Variants in ST18 observed in about 807,000 individuals in gnomAD.
ST18 encodes ST18 C2H2C-type zinc finger transcription factor.
In ST18, 50 loss-of-function variants were observed where a neutral mutation model predicts 110.0. That is an observed-to-expected ratio of 0.45 (90% CI 0.36 to 0.58). The LOEUF (loss-of-function observed/expected upper bound fraction) is 0.58, where lower values mean the gene tolerates loss of function less well. ST18 is among the 20% of genes least tolerant of loss of function. The pLI is 0.00. For missense variants in ST18, 1,306 were observed against 1,280.1 expected (o/e 1.02, Z -0.31); for synonymous variants, 461 against 452.4 (o/e 1.02, Z -0.24).
chr8:52,172,872 GT>G (rs1336322223), intron 9 of ST18, among the ~76,000 whole-genome samples: 1 of 152,150 alleles, frequency 6.6e-6, no homozygotes, highest in Non-Finnish European at 1.5e-5. Context: ...TAAGAGGTAA[GT>G]ACTTCTGGGG....
chr8:52,130,115 AAAGAAAAG>A (rs1333625945), intron 22 of ST18, among the ~76,000 whole-genome samples: 55 of 88,294 alleles, frequency 6.2e-4, no homozygotes, highest in Admixed American at 8.6e-4. Flanking sequence ...AGAAAGAAAG[AAAGAAAAG>A]AAAGAAAGAA....
intron 8 of ST18, 83 bp from the exon 9 acceptor site, chr8:52,180,395 A>G: frequency 6.7e-7 from 1 of 1,498,970 alleles, no homozygotes; most frequent in African/African-American, 1.4e-5. Flanking sequence ...AGTCTAACCT[A>G]AAGCCTTTGG....
rs976946615 is a variant in ST18 at position 52,372,116 on chromosome 8, G to A, written c.-465+37212C>T. ...CCCTGAACACCTTCCAGTGAGACAA[G>A]ATGTGGAGGTGGAAGATAGTGATAT... is the stretch of plus-strand genomic sequence containing the variant. On this transcript the variant is annotated intron_variant, in intron 2 of 25. Transcript: ENST00000689386. Among the ~76,000 whole-genome samples the A allele has an allele frequency of 1.4e-4, 22 of 152,158 alleles. 1 individual carries two copies. The highest frequency in any genetic ancestry group is 1.5e-5 in the Non-Finnish European group (1 of 68,026).
intron 2 of ST18, among the ~76,000 whole-genome samples, chr8:52,347,802 G>C (rs1217584812): frequency 6.6e-6 from 1 of 152,160 alleles, no homozygotes; most frequent in African/African-American, 2.4e-5. Flanking sequence ...GGTGGAGCCT[G>C]GATTCAAATC....
chr8:52,388,718 C>A (rs1033078364), intron 2 of ST18, among the ~76,000 whole-genome samples: 7 of 147,780 alleles, frequency 4.7e-5, no homozygotes, highest in African/African-American at 1.8e-4. Context: ...CAGGGAGGGC[C>A]TTTCTCAAAA....
intron 8 of ST18, among the ~76,000 whole-genome samples, chr8:52,182,652 G>A (rs28635769): frequency 0.22 from 33,727 of 151,946 alleles, 7,033 homozygotes; most frequent in African/African-American, 0.55. Context: ...GGAAATGAGA[G>A]TTACTAATCA....
chr8:52,116,176 GGTC>G, intron 25 of ST18, 96 bp downstream of exon 25: 1 of 1,397,026 alleles, frequency 7.2e-7, no homozygotes. Context: ...ACTGCTCACA[GGTC>G]TCCTCAAAGC....
At position 52,111,294 on chromosome 8, in the gene ST18, A is replaced by G. The variant is rs949045668; in HGVS notation, c.*1904T>C. The G allele has an allele frequency of 4.8e-5, 13 of 269,236 alleles. No individual in the cohort carries two copies. Among genetic ancestry groups the G allele is most frequent in the African/African-American group, 2.2e-4 (10 of 45,952 alleles). 16.7% of individuals were successfully genotyped at this position (269,236 alleles called of 1,614,324 possible). A position where few individuals can be genotyped will look rare whatever the true frequency, so the allele number is the denominator to read the frequency against. On this transcript the variant is annotated 3_prime_UTR_variant, in exon 26 of 26. Transcript: ENST00000689386. ...GTAATAAGTGAGCTCATTTGTATGC[A>G]TCTATGAAGTACTGTATAGCAAAAT...
At chr8:52,158,785 C>G (rs546929579) in intron 15 of ST18, 113 bp downstream of exon 15, 1 of 1,204,710 alleles carries the variant, frequency 8.3e-7, no homozygotes, top group Non-Finnish European at 1.2e-6. Flanking sequence ...GGGAGGGGAT[C>G]GCTTCAGAGG....
chr8:52,119,156 C>A lies in ST18; in HGVS notation c.2756-715G>T, dbSNP rs547451736. On this transcript the variant is annotated intron_variant, in intron 23 of 25. Transcript: ENST00000689386. ...ACTTATCTTCTTTGTGCTTCAGTAT[C>A]CTCTTCTGTAAAATAGGCATGTTAT... Among the ~76,000 whole-genome samples the A allele has an allele frequency of 1.7e-4, 26 of 151,772 alleles. 1 individual carries two copies. The highest frequency in any genetic ancestry group is 5.3e-4 in the African/African-American group (22 of 41,332).
chr8:52,205,009 A>C (rs2079432135), intron 8 of ST18, among the ~76,000 whole-genome samples: 1 of 152,082 alleles, frequency 6.6e-6, no homozygotes, highest in African/African-American at 2.4e-5. Context: ...TTTTTCTAAA[A>C]TACAGATATT....
intron 3 of ST18, among the ~76,000 whole-genome samples, chr8:52,227,283 G>A (rs2089818985): frequency 6.6e-6 from 1 of 152,154 alleles, no homozygotes; most frequent in African/African-American, 2.4e-5. Context: ...ATGCTAGACA[G>A]TGGGCATAAA....
At chr8:52,381,984 C>T (rs28594320) in intron 2 of ST18, among the ~76,000 whole-genome samples, 1 of 132,626 alleles carries the variant, frequency 7.5e-6, no homozygotes, top group Admixed American at 7.2e-5. Flanking sequence ...CAAAAAAAAA[C>T]AAAAAAACAA....
chr8:52,343,969 A>G (rs930073390), intron 2 of ST18, among the ~76,000 whole-genome samples: 2 of 152,212 alleles, frequency 1.3e-5, no homozygotes, highest in African/African-American at 4.8e-5. Context: ...GCAGCAAAAA[A>G]TTACCATTTT....
At chr8:52,357,681 ATATATATATATATAT>A (rs1564568031) in intron 2 of ST18, among the ~76,000 whole-genome samples, 26 of 19,030 alleles carry the variant, frequency 1.4e-3, no homozygotes, top group African/African-American at 5.1e-3. Context: ...CTATAAATAT[ATATATATATATATAT>A]ATATATATAT....
At chr8:52,179,669 T>A (rs1045407738) in intron 9 of ST18, among the ~76,000 whole-genome samples, 10 of 152,180 alleles carry the variant, frequency 6.6e-5, no homozygotes, top group East Asian at 1.9e-4. Flanking sequence ...TTAAAAAAAA[T>A]TTTTAACTGT....
chr8:52,291,869 G>A (rs562825774), intron 2 of ST18, among the ~76,000 whole-genome samples: 74 of 152,076 alleles, frequency 4.9e-4, no homozygotes, highest in African/African-American at 1.7e-3. Context: ...CGACCTCCTC[G>A]GCTCAAGTGA....
chr8:52,402,515 A>G (rs907525762), intron 2 of ST18, among the ~76,000 whole-genome samples: 1 of 152,090 alleles, frequency 6.6e-6, no homozygotes, highest in Non-Finnish European at 1.5e-5. Context: ...GGCTCCAGGG[A>G]AGAAGGGGTG....
At chr8:52,250,393 GCCGTTTT>G (rs2094196107) in intron 2 of ST18, among the ~76,000 whole-genome samples, 1 of 131,192 alleles carries the variant, frequency 7.6e-6, no homozygotes, top group Admixed American at 9.4e-5. Flanking sequence ...ACACCACGAG[GCCGTTTT>G]CCTACTATCA....
Sources: gnomAD v4.1 joint callset for allele counts (sites outside exome capture counted in the v4.1 genomes callset) on GRCh38, gnomAD v4.1.1 for gene constraint, MANE v1.5 for transcripts, NCBI Gene and HGNC (gene_info 2026-07-23, HGNC 2026-07-21) for gene names.